UBE2H: variants seen among roughly 807,000 people sequenced by gnomAD.
UBE2H encodes the protein ubiquitin conjugating enzyme E2 H, also known as ubiquitin-conjugating enzyme E2 H.
Under a neutral mutation model 29.0 loss-of-function variants are expected in UBE2H, and 3 were observed. The ratio of observed to expected loss-of-function variants is 0.10; its 90% CI spans 0.05 to 0.27. UBE2H has a LOEUF of 0.27. Among genes scored for constraint, UBE2H ranks in the 10% least tolerant of loss-of-function variants. The pLI is 1.00. For missense variants in UBE2H, 68 were observed against 228.2 expected (o/e 0.30, Z 4.52); for synonymous variants, 69 against 82.9 (o/e 0.83, Z 0.91).
intron 3 of UBE2H, among the ~76,000 whole-genome samples, chr7:129,860,930 G>T (rs1229716907): frequency 6.6e-6 from 1 of 152,142 alleles, no homozygotes; most frequent in Non-Finnish European, 1.5e-5. Context: ...GGTTAAAAAT[G>T]ACTTTATCTG....
At chr7:129,952,064 G>A (rs956561452) in intron 1 of UBE2H, among the ~76,000 whole-genome samples, 3 of 152,168 alleles carry the variant, frequency 2.0e-5, no homozygotes, top group African/African-American at 7.2e-5. Flanking sequence ...GTGGTTGGAG[G>A]AAATGGGGGC....
chr7:129,893,024 C>G (rs2116403264), intron 1 of UBE2H, among the ~76,000 whole-genome samples: 1 of 152,010 alleles, frequency 6.6e-6, no homozygotes, highest in Non-Finnish European at 1.5e-5. Context: ...TGCCCAGAAG[C>G]AAAAAAATAT....
intron 1 of UBE2H, among the ~76,000 whole-genome samples, chr7:129,946,222 T>TC (rs56149642): frequency 0.07 from 9,416 of 134,104 alleles, 352 homozygotes; most frequent in Non-Finnish European, 0.1. Context: ...CCGGCTAATT[T>TC]TTTTTTTTTT....
chr7:129,912,506 C>T (rs962169925), intron 1 of UBE2H, among the ~76,000 whole-genome samples: 7 of 152,132 alleles, frequency 4.6e-5, no homozygotes, highest in African/African-American at 1.7e-4. Flanking sequence ...TGAGCCACCA[C>T]ACTGGGCTCA....
chr7:129,899,147 GTTTGT>G (rs939606234), intron 1 of UBE2H, among the ~76,000 whole-genome samples: 24 of 152,108 alleles, frequency 1.6e-4, no homozygotes, highest in South Asian at 1.2e-3. Context: ...GTTGTCTGCT[GTTTGT>G]TTTGTTTTGT....
intron 3 of UBE2H, among the ~76,000 whole-genome samples, chr7:129,867,723 C>CAAAAAAAAAAAAAAAAAA (rs1563027569): frequency 1.5e-5 from 1 of 65,564 alleles, no homozygotes; most frequent in Non-Finnish European, 2.7e-5. Flanking sequence ...AAAAAGAAAA[C>CAAAAAAAAAAAAAAAAAA]CAAAAAAAAA....
chr7:129,899,172 A>G (rs1172319062), intron 1 of UBE2H, among the ~76,000 whole-genome samples: 5 of 152,154 alleles, frequency 3.3e-5, no homozygotes, highest in Non-Finnish European at 5.9e-5. Flanking sequence ...TTTTGCTATT[A>G]GTTACAATAA....
At chr7:129,879,739 C>T in intron 2 of UBE2H, 97 bp from the exon 3 acceptor site, 2 of 1,141,942 alleles carry the variant, frequency 1.8e-6, no homozygotes, top group Admixed American at 4.2e-5. Context: ...CTTCTGAAAA[C>T]CTTCCAAATT....
chr7:129,911,374 TAA>T (rs72051594), intron 1 of UBE2H, among the ~76,000 whole-genome samples: 305 of 143,568 alleles, frequency 2.1e-3, no homozygotes, highest in Non-Finnish European at 2.3e-3. Context: ...CCGTCTCAAT[TAA>T]AAAAAAAAAA....
intron 6 of UBE2H, among the ~76,000 whole-genome samples, chr7:129,835,572 G>A (rs754953316): frequency 7.9e-5 from 12 of 152,100 alleles, no homozygotes; most frequent in South Asian, 2.1e-4. Context: ...AAAAACCATC[G>A]CTCAATCTGC....
intron 5 of UBE2H, among the ~76,000 whole-genome samples, chr7:129,853,504 C>A (rs1805646085): frequency 6.6e-6 from 1 of 152,208 alleles, no homozygotes; most frequent in Admixed American, 6.5e-5. Flanking sequence ...CAATAGATAA[C>A]TTCATACTTG....
intron 1 of UBE2H, among the ~76,000 whole-genome samples, chr7:129,933,514 C>A (rs1807450665): frequency 6.6e-6 from 1 of 152,172 alleles, no homozygotes; most frequent in Non-Finnish European, 1.5e-5. Context: ...AGGAATCAAA[C>A]AATCTCAACC....
intron 1 of UBE2H, among the ~76,000 whole-genome samples, chr7:129,926,279 G>A (rs1272865133): frequency 6.6e-6 from 1 of 151,786 alleles, no homozygotes; most frequent in African/African-American, 2.4e-5. Flanking sequence ...GGAGGCTGAG[G>A]TGGGTGGATC....
chr7:129,849,132 A>G (rs1165340562), intron 5 of UBE2H, among the ~76,000 whole-genome samples: 1 of 147,710 alleles, frequency 6.8e-6, no homozygotes, highest in Non-Finnish European at 1.5e-5. Context: ...ACTGCACACA[A>G]CTAAGCAGTT....
rs1383288160 is a variant in UBE2H at position 129,886,772 on chromosome 7, A to ATTTTTTTGGT, written c.54-5802_54-5801insACCAAAAAAA. Among the ~76,000 whole-genome samples the ATTTTTTTGGT allele has an allele frequency of 8.9e-5, 10 of 111,878 alleles. No homozygotes were observed. In the South Asian group the frequency reaches 1.2e-3, roughly 14 times the overall value. 73.4% of individuals were successfully genotyped at this position (111,878 alleles called of 152,430 possible). On this transcript the variant is annotated intron_variant, in intron 1 of 6. Transcript: ENST00000355621. ...CCTGGTTTTTTGTTTTTTGGTAAAA[A>ATTTTTTTGGT]AAAAAAAAAAAAAAAAAAAAAGATA...
In UBE2H at chr7:129,890,483, G is replaced by A. The variant is rs563070246; in HGVS notation, c.54-9512C>T. ...CAACCTCCGCCTCCCAGGTTGAAGC[G>A]ATTCTCCTGCCTCAGCCTCCCAAGC... On this transcript the variant is annotated intron_variant, in intron 1 of 6. Coordinates refer to ENST00000355621, the MANE Select transcript of UBE2H (RefSeq NM_003344.4). Among the ~76,000 whole-genome samples the A allele has an allele frequency of 3.9e-5, 6 of 152,042 alleles. No homozygotes were observed. In the East Asian group the frequency reaches 5.8e-4, roughly 15 times the overall value.
chr7:129,842,923 C>CA (rs1343116696), intron 5 of UBE2H, among the ~76,000 whole-genome samples: 2 of 149,998 alleles, frequency 1.3e-5, no homozygotes, highest in Non-Finnish European at 3.0e-5. Flanking sequence ...AAAATAAAAA[C>CA]AAAAAACAGT....
chr7:129,858,977 T>C, intron 3 of UBE2H, 36 bp from the exon 4 acceptor site: 1 of 1,551,468 alleles, frequency 6.4e-7, no homozygotes, highest in Non-Finnish European at 8.9e-7. Flanking sequence ...GCAAAAAGTA[T>C]CCAGAGAACA....
chr7:129,875,537 C>T (rs148434814), intron 3 of UBE2H, among the ~76,000 whole-genome samples: 93 of 152,086 alleles, frequency 6.1e-4, no homozygotes, highest in African/African-American at 2.0e-3. Flanking sequence ...AAATATTTAC[C>T]AAGCAATACA....
Sources: gnomAD v4.1 joint callset for allele counts (sites outside exome capture counted in the v4.1 genomes callset) on GRCh38, gnomAD v4.1.1 for gene constraint, MANE v1.5 for transcripts, NCBI Gene and HGNC (gene_info 2026-07-23, HGNC 2026-07-21) for gene names.